EXOC6: variants seen among roughly 807,000 people sequenced by gnomAD.
EXOC6 encodes SEC15-like 1.
Under a neutral mutation model 112.5 loss-of-function variants are expected in EXOC6, and 60 were observed. That is an observed-to-expected ratio of 0.53 (90% CI 0.43 to 0.66). The LOEUF (loss-of-function observed/expected upper bound fraction) is 0.66. Ranked by LOEUF, EXOC6 falls within the 30% of genes least tolerant of loss-of-function variation. The pLI is 0.00. For synonymous variants in EXOC6, 295 were observed against 308.0 expected (o/e 0.96, Z 0.44); for missense variants, 855 against 957.1 (o/e 0.89, Z 1.41).
At chr10:93,043,271 T>G (rs542207951) in intron 20 of EXOC6, among the ~76,000 whole-genome samples, 6 of 152,322 alleles carry the variant, frequency 3.9e-5, no homozygotes, top group South Asian at 2.1e-4. Flanking sequence ...CATGTTAAGT[T>G]GTATTGTCTA....
chr10:92,966,561 A>G (rs912449132), intron 17 of EXOC6, among the ~76,000 whole-genome samples: 31 of 150,964 alleles, frequency 2.1e-4, no homozygotes, highest in Non-Finnish European at 4.0e-4. Flanking sequence ...TCCTTGCGAT[A>G]GTTTACTGAG....
intron 1 of EXOC6, among the ~76,000 whole-genome samples, chr10:92,873,769 G>C (rs1031783673): frequency 6.6e-6 from 1 of 151,946 alleles, no homozygotes; most frequent in Non-Finnish European, 1.5e-5. Context: ...TTGGATTCTG[G>C]GCCAGGCACG....
At chr10:92,872,187 G>T (rs1223131331) in intron 1 of EXOC6, among the ~76,000 whole-genome samples, 1 of 151,948 alleles carries the variant, frequency 6.6e-6, no homozygotes, top group Non-Finnish European at 1.5e-5. Context: ...TACATGTTCT[G>T]ATATATCTTC....
intron 18 of EXOC6, among the ~76,000 whole-genome samples, chr10:92,975,492 C>T (rs1295553505): frequency 4.8e-5 from 7 of 147,328 alleles, no homozygotes; most frequent in South Asian, 4.3e-4. Context: ...GTCAGCCCCC[C>T]GCCCACCCAG....
At chr10:92,990,054 G>A (rs1843167106) in intron 18 of EXOC6, among the ~76,000 whole-genome samples, 1 of 151,936 alleles carries the variant, frequency 6.6e-6, no homozygotes, top group Admixed American at 6.6e-5. Context: ...ATTGGAAAGA[G>A]TTAAAAAAAC....
chr10:93,050,130 A>G (rs889982249), intron 20 of EXOC6, among the ~76,000 whole-genome samples: 2 of 152,232 alleles, frequency 1.3e-5, no homozygotes, highest in African/African-American at 4.8e-5. Flanking sequence ...AAATGGTAGG[A>G]TAGCTACCCA....
chr10:92,914,972 AG>A (rs1213671578), intron 6 of EXOC6, among the ~76,000 whole-genome samples: 1 of 152,228 alleles, frequency 6.6e-6, no homozygotes, highest in Non-Finnish European at 1.5e-5. Flanking sequence ...TAAAAGTATG[AG>A]GGTTCTCAAC....
intron 1 of EXOC6, among the ~76,000 whole-genome samples, chr10:92,843,336 G>C (rs1564764348): frequency 6.6e-6 from 1 of 152,318 alleles, no homozygotes. Flanking sequence ...GTGGACATCT[G>C]AAACGAGTGG....
chr10:92,987,354 C>CT (rs1411785602), intron 18 of EXOC6, among the ~76,000 whole-genome samples: 1 of 152,160 alleles, frequency 6.6e-6, no homozygotes, highest in Non-Finnish European at 1.5e-5. Context: ...TCTGACTAGA[C>CT]AACTTGATGA....
intron 1 of EXOC6, among the ~76,000 whole-genome samples, chr10:92,887,545 G>T (rs1014177251): frequency 9.9e-5 from 15 of 151,442 alleles, no homozygotes; most frequent in Admixed American, 9.2e-4. Context: ...GATTACAGGC[G>T]CCCGCCACCA....
chr10:92,981,457 A>AT (rs1169561163), intron 18 of EXOC6, among the ~76,000 whole-genome samples: 1 of 152,240 alleles, frequency 6.6e-6, no homozygotes, highest in Non-Finnish European at 1.5e-5. Flanking sequence ...TGTAAATGAC[A>AT]GTGAGTTTTA....
intron 1 of EXOC6, among the ~76,000 whole-genome samples, chr10:92,870,521 G>C (rs1848397344): frequency 6.6e-6 from 1 of 152,094 alleles, no homozygotes; most frequent in Non-Finnish European, 1.5e-5. Flanking sequence ...TTTGAATTCT[G>C]TTGGCTAGTA....
intron 17 of EXOC6, among the ~76,000 whole-genome samples, chr10:92,956,681 T>C (rs1247086772): frequency 6.6e-6 from 1 of 152,098 alleles, no homozygotes; most frequent in Non-Finnish European, 1.5e-5. Flanking sequence ...AAATGCAGAA[T>C]GATATCTGAA....
At chr10:92,981,430 C>T (rs562523717) in intron 18 of EXOC6, among the ~76,000 whole-genome samples, 193 of 152,146 alleles carry the variant, frequency 1.3e-3, no homozygotes, top group African/African-American at 4.2e-3. Flanking sequence ...ATTGATTTAC[C>T]GGCCATAGGG....
At chr10:92,945,967 A>C (rs189992304) in intron 13 of EXOC6, among the ~76,000 whole-genome samples, 34 of 152,290 alleles carry the variant, frequency 2.2e-4, no homozygotes, top group Non-Finnish European at 4.6e-4. Flanking sequence ...CACACCCTGT[A>C]GTCCCAGCTA....
At position 92,934,355 on chromosome 10, in the gene EXOC6, A is replaced by G. The variant is rs2133954895; in HGVS notation, c.1065A>G (p.Leu355=). The G allele has an allele frequency of 6.2e-7, 1 of 1,603,828 alleles. No individual in the cohort carries two copies. Among genetic ancestry groups the G allele is most frequent in the East Asian group, 2.2e-5 (1 of 44,456 alleles). Residue 355 remains leucine (L), a synonymous_variant, in exon 11 of 22, where the codon TTA becomes TTG. Coordinates refer to ENST00000260762, the MANE Select transcript of EXOC6 (RefSeq NM_019053.6). ...ACATTTTACATGTGACCCAAGGATT[A>G]GTAACCAGGGCATACACTGATGAAC... ...EDHILHVTQG[L]VTRAYTDELW... is the part of the protein sequence containing the mutation.
chr10:92,865,974 T>C (rs1209800673), intron 1 of EXOC6, among the ~76,000 whole-genome samples: 3 of 151,958 alleles, frequency 2.0e-5, no homozygotes, highest in Admixed American at 2.0e-4. Flanking sequence ...TCATGTTGAG[T>C]AGGCTGAGGA....
At chr10:92,837,757 C>T (rs1846708633) in intron 1 of EXOC6, among the ~76,000 whole-genome samples, 1 of 152,154 alleles carries the variant, frequency 6.6e-6, no homozygotes, top group African/African-American at 2.4e-5. Context: ...GCTGAAGGCC[C>T]TGCCTTGAGG....
At chr10:92,985,838 T>A (rs985051080) in intron 18 of EXOC6, among the ~76,000 whole-genome samples, 2 of 152,174 alleles carry the variant, frequency 1.3e-5, no homozygotes, top group African/African-American at 4.8e-5. Flanking sequence ...AGTACAATCA[T>A]GGCTTTAATA....
Sources: gnomAD v4.1 joint callset for allele counts (sites outside exome capture counted in the v4.1 genomes callset) on GRCh38, gnomAD v4.1.1 for gene constraint, MANE v1.5 for transcripts, NCBI Gene and HGNC (gene_info 2026-07-23, HGNC 2026-07-21) for gene names.